Variants in STRADA observed in about 807,000 individuals in gnomAD.
STRADA encodes STE20-related kinase adapter protein alpha.
Under a neutral mutation model 55.0 loss-of-function variants are expected in STRADA, and 26 were observed. The observed-to-expected ratio is 0.47, with a 90% CI of 0.35 to 0.66. The LOEUF (loss-of-function observed/expected upper bound fraction) is 0.66. STRADA is among the 30% of genes least tolerant of loss of function. The pLI is 0.01. For synonymous variants in STRADA, 197 were observed against 210.9 expected (o/e 0.93, Z 0.57); for missense variants, 443 against 549.7 (o/e 0.81, Z 1.94).
In STRADA at chr17:63,703,801, A is replaced by C. The variant is rs1443477006; in HGVS notation, c.1144-50T>G. ...GACAGATCCTGTTGCTCTGGGTCCC[A>C]GGACACCATGGGGCAAGGAACCATG... On this transcript the variant is annotated intron_variant, in intron 12 of 12. Transcript: ENST00000336174. 3.1e-6 allele frequency: 5 copies of C among 1,609,530 alleles called. No individual in the cohort carries two copies. The South Asian group carries it at 4.4e-5, about 14-fold the overall frequency.
At chr17:63,713,373 C>G in intron 6 of STRADA, 33 bp downstream of exon 6, 1 of 1,605,878 alleles carries the variant, frequency 6.2e-7, no homozygotes. Context: ...AGAGCCCACC[C>G]TCCCTCCATG....
chr17:63,721,607 G>A lies in STRADA; in HGVS notation c.123+1691C>T, dbSNP rs1259654819. ...CACAGGCCTGTAATCCCAGCTACTC[G>A]GGAGGTTGAGGCAGGAGAATTGCTT... On this transcript the variant is annotated intron_variant, in intron 4 of 12. Coordinates refer to ENST00000336174, the MANE Select transcript of STRADA (RefSeq NM_001003787.4). Among the ~76,000 whole-genome samples, 7 of 151,458 alleles carry A rather than the reference G, an allele frequency of 4.6e-5. No homozygotes were observed. The East Asian group carries it at 9.7e-4, about 21-fold the overall frequency.
chr17:63,723,574 G>C (rs1475417023), intron 3 of STRADA: 2 of 499,378 alleles, frequency 4.0e-6, no homozygotes, highest in Admixed American at 6.8e-5. Context: ...CTACTCTATG[G>C]GTATTCTTTA....
intron 4 of STRADA, among the ~76,000 whole-genome samples, chr17:63,714,998 G>A (rs568780325): frequency 6.6e-6 from 1 of 152,314 alleles, no homozygotes; most frequent in African/African-American, 2.4e-5. Flanking sequence ...CTGAAATGGA[G>A]AAACCTGGGC....
At chr17:63,736,846 C>G (rs932907658) in intron 1 of STRADA, among the ~76,000 whole-genome samples, 2 of 136,712 alleles carry the variant, frequency 1.5e-5, no homozygotes, top group Admixed American at 7.5e-5. Context: ...ACGCCCCCCC[C>G]ACCAAAAAAA....
At chr17:63,712,106 A>T (rs911260527) in intron 6 of STRADA, among the ~76,000 whole-genome samples, 3 of 152,094 alleles carry the variant, frequency 2.0e-5, no homozygotes, top group African/African-American at 7.2e-5. Flanking sequence ...GAAGGAGGGG[A>T]GGGGCTGCAA....
chr17:63,723,172 C>G (rs1340988572), intron 4 of STRADA, 126 bp downstream of exon 4: 1 of 1,181,304 alleles, frequency 8.5e-7, no homozygotes, highest in Non-Finnish European at 1.2e-6. Flanking sequence ...AAAAATCACA[C>G]TACAAATAAA....
chr17:63,740,759 C>T (rs2038883519), intron 1 of STRADA, among the ~76,000 whole-genome samples: 1 of 152,148 alleles, frequency 6.6e-6, no homozygotes. Flanking sequence ...GAGTAAACTT[C>T]CTCCATTTCT....
chr17:63,736,546 T>C (rs11871102), intron 1 of STRADA, among the ~76,000 whole-genome samples: 105,078 of 151,414 alleles, frequency 0.69, 37,730 homozygotes, highest in African/African-American at 0.9. Flanking sequence ...GAGAATTGCT[T>C]GAACTTGGGA....
At chr17:63,728,588 C>A (rs1241520129) in intron 1 of STRADA, among the ~76,000 whole-genome samples, 175 bp from the exon 2 acceptor site, 1 of 151,960 alleles carries the variant, frequency 6.6e-6, no homozygotes, top group African/African-American at 2.4e-5. Flanking sequence ...ATACTTTGGC[C>A]AAGTACATTA....
chr17:63,724,698 C>T (rs2037528733), intron 3 of STRADA, among the ~76,000 whole-genome samples: 1 of 151,826 alleles, frequency 6.6e-6, no homozygotes, highest in Non-Finnish European at 1.5e-5. Flanking sequence ...ATGCATGAGC[C>T]ACCGTGCCCA....
intron 6 of STRADA, 25 bp from the exon 7 acceptor site, chr17:63,710,861 T>G: frequency 6.2e-7 from 1 of 1,607,868 alleles, no homozygotes; most frequent in Non-Finnish European, 8.5e-7. Context: ...GAAGCTGAAG[T>G]CAGAACCAAA....
intron 1 of STRADA, among the ~76,000 whole-genome samples, chr17:63,733,772 A>G (rs1044507455): frequency 6.6e-6 from 1 of 152,202 alleles, no homozygotes; most frequent in Non-Finnish European, 1.5e-5. Context: ...CAGTTTTGAT[A>G]CATGCCAGGC....
chr17:63,713,011 A>AAG (rs1286772176), intron 6 of STRADA, among the ~76,000 whole-genome samples: 1 of 151,422 alleles, frequency 6.6e-6, no homozygotes, highest in African/African-American at 2.4e-5. Context: ...AAAAAAAAAA[A>AAG]AAAAGAAAAG....
At chr17:63,713,643 T>A in intron 5 of STRADA, 116 bp from the exon 6 acceptor site, 2 of 1,330,942 alleles carry the variant, frequency 1.5e-6, no homozygotes, top group Non-Finnish European at 2.1e-6. Flanking sequence ...AATTTTTCAC[T>A]ACTGTTACTT....
chr17:63,708,622 C>T (rs2036277756), intron 8 of STRADA, among the ~76,000 whole-genome samples: 1 of 152,236 alleles, frequency 6.6e-6, no homozygotes, highest in African/African-American at 2.4e-5. Context: ...GCAGCCTCCA[C>T]CTCCCAGGTT....
intron 4 of STRADA, among the ~76,000 whole-genome samples, chr17:63,716,908 G>A (rs958607036): frequency 1.3e-5 from 2 of 152,002 alleles, no homozygotes. Context: ...TAGGCTTATG[G>A]GCCACATAGA....
chr17:63,717,356 G>A (rs973275950), intron 4 of STRADA, among the ~76,000 whole-genome samples: 1 of 152,152 alleles, frequency 6.6e-6, no homozygotes, highest in African/African-American at 2.4e-5. Flanking sequence ...CACCCAGGCT[G>A]GAGTGCAATG....
chr17:63,724,600 G>C (rs1168455574), intron 3 of STRADA, among the ~76,000 whole-genome samples: 3 of 152,120 alleles, frequency 2.0e-5, no homozygotes, highest in Admixed American at 6.6e-5. Flanking sequence ...TTTTAGCAGA[G>C]ATGGGGTTTT....
Sources: allele counts gnomAD v4.1 joint callset (sites outside exome capture counted in the v4.1 genomes callset), GRCh38; gene constraint gnomAD v4.1.1; transcripts MANE v1.5; gene names NCBI Gene and HGNC (gene_info 2026-07-23, HGNC 2026-07-21).